MAP3K20: variants seen among roughly 807,000 people sequenced by gnomAD.
MAP3K20 encodes the protein mitogen-activated protein kinase kinase kinase 20.
In MAP3K20, 40 loss-of-function variants were observed where a neutral mutation model predicts 85.7. The ratio of observed to expected loss-of-function variants is 0.47; its 90% CI spans 0.36 to 0.61. The LOEUF (loss-of-function observed/expected upper bound fraction) is 0.61, where lower values mean the gene tolerates loss of function less well. Among genes scored for constraint, MAP3K20 ranks in the 20% least tolerant of loss-of-function variants. MAP3K20 has a pLI of 0.00. For synonymous variants in MAP3K20, 325 were observed against 327.7 expected (o/e 0.99, Z 0.09); for missense variants, 817 against 961.7 (o/e 0.85, Z 1.99).
At chr2:173,178,832 TAC>T (rs1429520392) in intron 3 of MAP3K20, among the ~76,000 whole-genome samples, 1 of 152,086 alleles carries the variant, frequency 6.6e-6, no homozygotes, top group African/African-American at 2.4e-5. Context: ...ACCAAAGTCA[TAC>T]AGAGACATAA....
At chr2:173,202,533 TAAC>T (rs1190773223) in intron 8 of MAP3K20, among the ~76,000 whole-genome samples, 11 of 152,334 alleles carry the variant, frequency 7.2e-5, no homozygotes, top group Non-Finnish European at 1.6e-4. Context: ...ACAACTATGT[TAAC>T]AACCCCTTAC....
chr2:173,167,336 C>G (rs553546718), intron 2 of MAP3K20, among the ~76,000 whole-genome samples: 5 of 152,124 alleles, frequency 3.3e-5, no homozygotes, highest in Non-Finnish European at 7.4e-5. Flanking sequence ...TTTGGTTAAC[C>G]TCACACTTGT....
At chr2:173,231,458 T>C (rs1386242569) in intron 12 of MAP3K20, among the ~76,000 whole-genome samples, 2 of 152,228 alleles carry the variant, frequency 1.3e-5, no homozygotes, top group Non-Finnish European at 2.9e-5. Context: ...TATCCCTAGC[T>C]GCAGAGTTTC....
intron 10 of MAP3K20, chr2:173,210,054 T>C (rs915626208): frequency 7.0e-5 from 38 of 541,388 alleles, no homozygotes; most frequent in Non-Finnish European, 1.2e-4. Context: ...GTGTAAGTAT[T>C]TGAAAAGAAT....
intron 2 of MAP3K20, among the ~76,000 whole-genome samples, chr2:173,168,864 A>G (rs1214080342): frequency 6.6e-6 from 1 of 152,144 alleles, no homozygotes; most frequent in African/African-American, 2.4e-5. Context: ...ATATTATAGT[A>G]TCTGGTTTTT....
At chr2:173,160,208 A>T (rs1050631760) in intron 2 of MAP3K20, 1 of 152,112 alleles carries the variant, frequency 6.6e-6, no homozygotes, top group African/African-American at 2.4e-5. Flanking sequence ...AAAAGAACCT[A>T]TGGAATTGTG....
At chr2:173,121,547 C>T (rs957847653) in intron 2 of MAP3K20, among the ~76,000 whole-genome samples, 2 of 151,998 alleles carry the variant, frequency 1.3e-5, no homozygotes, top group African/African-American at 2.4e-5. Flanking sequence ...CCACCACGCC[C>T]GGCTAATTTT....
intron 10 of MAP3K20, chr2:173,211,908 C>A (rs952979929): frequency 6.6e-6 from 1 of 151,736 alleles, no homozygotes; most frequent in African/African-American, 2.4e-5. Flanking sequence ...AGCAAGACTC[C>A]GTCTCAAAAA....
intron 2 of MAP3K20, among the ~76,000 whole-genome samples, chr2:173,159,302 G>GT (rs1040976094): frequency 2.7e-4 from 35 of 131,806 alleles, no homozygotes; most frequent in African/African-American, 8.4e-4. Context: ...TCTTGTCTGT[G>GT]TTTTTGTCAC....
At chr2:173,150,155 C>T (rs1251190700) in intron 2 of MAP3K20, among the ~76,000 whole-genome samples, 1 of 152,200 alleles carries the variant, frequency 6.6e-6, no homozygotes, top group Non-Finnish European at 1.5e-5. Flanking sequence ...GATGGTACGC[C>T]AGATTCCATA....
chr2:173,264,028 A>G, intron 19 of MAP3K20, 133 bp downstream of exon 19: 1 of 1,287,014 alleles, frequency 7.8e-7, no homozygotes, highest in Non-Finnish European at 1.0e-6. Flanking sequence ...GAGTAGCAGA[A>G]AACCCAGTTG....
chr2:173,196,170 G>A (rs1690830658), intron 7 of MAP3K20, among the ~76,000 whole-genome samples: 1 of 152,130 alleles, frequency 6.6e-6, no homozygotes. Context: ...ATTTATTGGA[G>A]GCTAACTCCC....
chr2:173,087,517 A>G (rs1195487174), intron 1 of MAP3K20, among the ~76,000 whole-genome samples: 1 of 152,244 alleles, frequency 6.6e-6, no homozygotes, highest in Non-Finnish European at 1.5e-5. Flanking sequence ...ACAGATAGAA[A>G]GAGTTCACTG....
chr2:173,187,933 T>C (rs1246127088), intron 5 of MAP3K20, among the ~76,000 whole-genome samples: 1 of 152,260 alleles, frequency 6.6e-6, no homozygotes, highest in Non-Finnish European at 1.5e-5. Flanking sequence ...ATTATTTCCC[T>C]AGAATCATTT....
chr2:173,092,946 G>A (rs1169091699), intron 2 of MAP3K20, among the ~76,000 whole-genome samples: 2 of 152,128 alleles, frequency 1.3e-5, no homozygotes, highest in Non-Finnish European at 1.5e-5. Context: ...TTCAGAAATT[G>A]AGTTGATTCC....
intron 2 of MAP3K20, among the ~76,000 whole-genome samples, chr2:173,155,351 G>A (rs1689433726): frequency 6.6e-6 from 1 of 152,144 alleles, no homozygotes; most frequent in South Asian, 2.1e-4. Context: ...AAATTATCTT[G>A]TATATTTCTT....
chr2:173,120,821 C>T (rs1177747412), intron 2 of MAP3K20, among the ~76,000 whole-genome samples: 2 of 150,548 alleles, frequency 1.3e-5, no homozygotes, highest in Admixed American at 6.7e-5. Context: ...AATTCCCCTG[C>T]CTCAGCCTCC....
chr2:173,249,093 T>A lies in MAP3K20; in HGVS notation c.1359+9597T>A, dbSNP rs1374776231. Among the ~76,000 whole-genome samples, 24 of 152,166 alleles carry A rather than the reference T, an allele frequency of 1.6e-4. 1 individual carries two copies. The highest frequency in any genetic ancestry group is 1.6e-3 in the Admixed American group (24 of 15,278). On this transcript the variant is annotated intron_variant, in intron 16 of 19. Transcript: ENST00000375213. ...AATTGGGATTCAATTTTGTAAAAAG[T>A]AAGAATATAGTTTGGAAACAGAAAA...
intron 3 of MAP3K20, among the ~76,000 whole-genome samples, chr2:173,173,336 A>G (rs1393011221): frequency 6.6e-6 from 1 of 152,104 alleles, no homozygotes; most frequent in African/African-American, 2.4e-5. Flanking sequence ...CTGGTAATCT[A>G]AGAGTAAAGA....
Sources: gnomAD v4.1 joint callset for allele counts (sites outside exome capture counted in the v4.1 genomes callset) on GRCh38, gnomAD v4.1.1 for gene constraint, MANE v1.5 for transcripts, NCBI Gene and HGNC (gene_info 2026-07-23, HGNC 2026-07-21) for gene names.